Variants in EIF2A observed in about 807,000 individuals in gnomAD.
The protein encoded by EIF2A is 65 kDa eukaryotic translation initiation factor 2A.
A neutral mutation model predicts 75.2 loss-of-function variants in EIF2A; 62 were observed. That is an observed-to-expected ratio of 0.82 (90% CI 0.67 to 1.02). EIF2A has a LOEUF of 1.02. Ranked by LOEUF, EIF2A falls within the 50% of genes least tolerant of loss-of-function variation. The pLI is 0.00. For synonymous variants in EIF2A, 207 were observed against 239.0 expected, an observed-to-expected ratio of 0.87 and a Z score of 1.23; for missense variants, 611 against 677.7, an observed-to-expected ratio of 0.90 and a Z score of 1.09.
chr3:150,552,326 A>G, intron 1 of EIF2A, 30 bp from the exon 2 acceptor site: 1 of 1,536,448 alleles, frequency 6.5e-7, no homozygotes, highest in Non-Finnish European at 8.8e-7. Context: ...TAACAAAGTA[A>G]TTGTGGTTCT....
At position 150,568,182 on chromosome 3, in the gene EIF2A, C is replaced by T. The variant is rs1318725183; in HGVS notation, c.701C>T (p.Ala234Val). The change falls in exon 9 of 14, where the codon GCT becomes GTT. Residue 234 changes from alanine to valine, a missense_variant. Coordinates refer to ENST00000460851, the MANE Select transcript of EIF2A (RefSeq NM_032025.5). ...AAAGTTTTTACTGTTATAGCTACTG[C>T]TGTGTTGGTAATAGCTAGCACAGAT... ...VTMLWNKKAT[A>V]VLVIASTDVD... 6.2e-6 allele frequency: 10 copies of T among 1,612,156 alleles called. No homozygotes were observed. The highest frequency in any genetic ancestry group is 8.5e-6 in the Non-Finnish European group (10 of 1,179,346).
intron 3 of EIF2A, among the ~76,000 whole-genome samples, chr3:150,561,652 C>T (rs1347849538): frequency 6.6e-6 from 1 of 152,034 alleles, no homozygotes; most frequent in Admixed American, 6.6e-5. Flanking sequence ...TTTGATAGAC[C>T]TCAGCTTCTC....
At position 150,584,897 on chromosome 3, in the gene EIF2A, A is replaced by T. The variant is rs1019600131; in HGVS notation, c.*986A>T. 1.3e-5 allele frequency among the ~76,000 whole-genome samples: 2 copies of T among 152,100 alleles called. No individual in the cohort carries two copies. Among genetic ancestry groups the T allele is most frequent in the African/African-American group, 4.8e-5 (2 of 41,414 alleles). On this transcript the variant is annotated 3_prime_UTR_variant, in exon 14 of 14. Transcript: ENST00000460851. Reference sequence around the variant, plus strand: ...CTTTTTTTTTTCTAATTCAAAAAATACAAAGGCATGCAATGAAAATTAAGT... The same window carrying T: ...CTTTTTTTTTTCTAATTCAAAAAATTCAAAGGCATGCAATGAAAATTAAGT...
At position 150,546,811 on chromosome 3, in the gene EIF2A, G is replaced by T. The variant is rs749230981; in HGVS notation, c.9G>T (p.Pro3=). The change falls in exon 1 of 14, where the codon CCG becomes CCT. Residue 3 remains proline (P), a synonymous_variant. Coordinates refer to ENST00000460851, the MANE Select transcript of EIF2A (RefSeq NM_032025.5). ...TCTCTTTCCGGGACAACATGGCGCC[G>T]TCCACGCCGCTCTTGACAGGTGAGT... MA[P]STPLLTVRGS... The T allele has an allele frequency of 1.9e-6, 3 of 1,612,428 alleles. No individual in the cohort carries two copies. Among genetic ancestry groups the T allele is most frequent in the Admixed American group, 3.3e-5 (2 of 60,036 alleles).
intron 2 of EIF2A, among the ~76,000 whole-genome samples, chr3:150,555,905 C>CT (rs1348320165): frequency 6.6e-6 from 1 of 152,062 alleles, no homozygotes; most frequent in African/African-American, 2.4e-5. Context: ...AGCCAACTTG[C>CT]TTGGTCATGT....
At chr3:150,560,445 C>T (rs1236431391) in intron 3 of EIF2A, among the ~76,000 whole-genome samples, 1 of 151,956 alleles carries the variant, frequency 6.6e-6, no homozygotes, top group Non-Finnish European at 1.5e-5. Context: ...CTCTTAAAGA[C>T]CATCAATTCT....
chr3:150,566,571 T>C (rs972045752), intron 6 of EIF2A: 5 of 152,182 alleles, frequency 3.3e-5, no homozygotes, highest in South Asian at 2.1e-4. Context: ...TTTATACGTA[T>C]AGTTTTATTT....
chr3:150,547,923 C>T (rs1431924669), intron 1 of EIF2A, among the ~76,000 whole-genome samples: 2 of 152,124 alleles, frequency 1.3e-5, no homozygotes, highest in African/African-American at 4.8e-5. Context: ...GTAAAGGTAG[C>T]TTGTTATTCA....
chr3:150,581,814 C>T, intron 12 of EIF2A, 68 bp downstream of exon 12: 1 of 1,522,696 alleles, frequency 6.6e-7, no homozygotes, highest in Non-Finnish European at 8.9e-7. Context: ...TAAGAGAGTA[C>T]TTAGATGCCT....
rs770924729 is a variant in EIF2A, at chr3:150,567,905, GCTGT to G, written c.556_559del (p.Val186MetfsTer27). The G allele has an allele frequency of 3.7e-6, 6 of 1,601,748 alleles. No individual in the cohort carries two copies. Among genetic ancestry groups the G allele is most frequent in the South Asian group, 3.4e-5 (3 of 88,216 alleles). ...GATTTATGTCTATGTATCTTAGGTG[GCTGT>G]CTATGTTCCAGGAAGTAAAGGTGCA... On this transcript the variant is annotated frameshift_variant, in exon 8 of 14. Coordinates refer to ENST00000460851, the MANE Select transcript of EIF2A (RefSeq NM_032025.5). LOFTEE classifies it high-confidence loss of function.
intron 13 of EIF2A, 87 bp from the exon 14 acceptor site, chr3:150,583,759 T>C: frequency 8.2e-7 from 1 of 1,225,450 alleles, no homozygotes; most frequent in Non-Finnish European, 1.2e-6. Context: ...CATAATAAAT[T>C]GTCAGAAATA....
Position 150,564,333 on chromosome 3 carries a change from G to C in EIF2A, c.427G>C (p.Ala143Pro). Residue 143 changes from alanine to proline, a missense_variant, in exon 6 of 14, where the codon GCC becomes CCC. By Grantham distance (27) the Ala-to-Pro change is conservative. Coordinates refer to ENST00000460851, the MANE Select transcript of EIF2A (RefSeq NM_032025.5). ...PSWSEDETLC[A>P]RNVNNEVHFF... The stretch of plus-strand genomic sequence containing the variant: ...CTGGTCAGAAGATGAAACTCTTTGT[G>C]CCCGCAATGTTAACAATGAAGTTCA... 1.3e-6 allele frequency: 2 copies of C among 1,594,942 alleles called. No individual in the cohort carries two copies. Among genetic ancestry groups the C allele is most frequent in the Non-Finnish European group, 1.7e-6 (2 of 1,173,130 alleles).
At chr3:150,558,121 G>A (rs889043725) in intron 2 of EIF2A, among the ~76,000 whole-genome samples, 4 of 152,162 alleles carry the variant, frequency 2.6e-5, no homozygotes, top group African/African-American at 9.7e-5. Context: ...TTGATGGAAG[G>A]CCTACCACAC....
In EIF2A at chr3:150,567,864, C is replaced by T. The variant is rs753181208; in HGVS notation, c.550-38C>T. The T allele has an allele frequency of 7.0e-6, 11 of 1,579,150 alleles. No homozygotes were observed. In the South Asian group the frequency reaches 1.2e-4, roughly 17 times the overall value. The stretch of plus-strand genomic sequence containing the variant: ...CATGTCCATCTCAGTTTTTATTCTT[C>T]AAAAAATTAAGTAATGATTTATGTC... On this transcript the variant is annotated intron_variant, in intron 7 of 13. Coordinates refer to ENST00000460851, the MANE Select transcript of EIF2A (RefSeq NM_032025.5).
chr3:150,581,064 A>G (rs1207834438), intron 11 of EIF2A, among the ~76,000 whole-genome samples: 1 of 152,208 alleles, frequency 6.6e-6, no homozygotes, highest in Non-Finnish European at 1.5e-5. Flanking sequence ...AGCGGAAATA[A>G]AAGTGATTCA....
In EIF2A at chr3:150,572,546, T is replaced by G; in HGVS notation, c.1383+17T>G. On this transcript the variant is annotated intron_variant, in intron 10 of 13. Coordinates refer to ENST00000460851, the MANE Select transcript of EIF2A (RefSeq NM_032025.5). ...TCCAAATTGGTAAGTAAAGTTTTAC[T>G]ACTTTTATAGAAAAAAGTTTATTTT... 1 of 1,582,924 alleles carries G rather than the reference T, an allele frequency of 6.3e-7. No individual in the cohort carries two copies. Among genetic ancestry groups the G allele is most frequent in the Non-Finnish European group, 8.6e-7 (1 of 1,166,194 alleles).
intron 1 of EIF2A, among the ~76,000 whole-genome samples, chr3:150,548,899 AACTCTGT>A (rs569941232): frequency 5.2e-4 from 79 of 152,324 alleles, no homozygotes; most frequent in African/African-American, 1.8e-3. Flanking sequence ...CAGATTGTTC[AACTCTGT>A]GGTCCATTTT....
rs528684322 is a variant in EIF2A, at chr3:150,546,924, T to A, written c.28+94T>A. ...GAACTACCCGAGGAGCCGGGGAGTCTGATCTGCCTTTTCTTGTGGCTTGCG... is the reference window on the plus strand; with the variant it reads ...GAACTACCCGAGGAGCCGGGGAGTCAGATCTGCCTTTTCTTGTGGCTTGCG... On this transcript the variant is annotated intron_variant, in intron 1 of 13. Coordinates refer to ENST00000460851, the MANE Select transcript of EIF2A (RefSeq NM_032025.5). 3 of 1,550,954 alleles carry A rather than the reference T, an allele frequency of 1.9e-6. No individual in the cohort carries two copies. The East Asian group carries it at 6.7e-5, about 35-fold the overall frequency.
chr3:150,559,364 C>CT (rs1417364269), intron 3 of EIF2A, among the ~76,000 whole-genome samples: 1 of 151,720 alleles, frequency 6.6e-6, no homozygotes, highest in Admixed American at 6.6e-5. Context: ...TATTCTTTTT[C>CT]TTTTTTCAAT....
Sources: allele counts gnomAD v4.1 joint callset (sites outside exome capture counted in the v4.1 genomes callset), GRCh38; gene constraint gnomAD v4.1.1; transcripts MANE v1.5; gene names NCBI Gene and HGNC (gene_info 2026-07-23, HGNC 2026-07-21).